Variants in SIDT2 observed in about 807,000 individuals in gnomAD.
SIDT2 encodes the protein SID1 transmembrane family, member 2.
A neutral mutation model predicts 114.4 loss-of-function variants in SIDT2; 68 were observed. The observed-to-expected ratio is 0.59, with a 90% CI of 0.49 to 0.73. The LOEUF (loss-of-function observed/expected upper bound fraction) is 0.73. SIDT2 is among the 30% of genes least tolerant of loss of function. The pLI is 0.00. For synonymous variants in SIDT2, 470 were observed against 438.4 expected, an observed-to-expected ratio of 1.07 and a Z score of -0.90; for missense variants, 918 against 1,097.1, an observed-to-expected ratio of 0.84 and a Z score of 2.31.
In SIDT2 at chr11:117,182,547, T is replaced by C. The variant is rs1462018573; in HGVS notation, c.545T>C (p.Val182Ala). ...TTCAAGTATGAGTTCCCTGAAGGCG[T>C]GGACTCGGTAATTGTCAAGGTGACC... ...QYFKYEFPEG[V>A]DSVIVKVTSN... The change falls in exon 5 of 26, where the codon GTG becomes GCG. Residue 182 changes from valine to alanine, a missense_variant. Transcript: ENST00000324225. The C allele has an allele frequency of 1.2e-5, 19 of 1,614,200 alleles. No individual in the cohort carries two copies. Among genetic ancestry groups the C allele is most frequent in the Middle Eastern group, 3.3e-4 (2 of 6,062 alleles).
At chr11:117,189,501 T>G in intron 15 of SIDT2, 100 bp downstream of exon 15, 1 of 1,289,634 alleles carries the variant, frequency 7.8e-7, no homozygotes, top group Non-Finnish European at 1.1e-6. Flanking sequence ...TCACAGGACC[T>G]GGGTTCAGAT....
At chr11:117,186,986 T>G (rs2030520764) in intron 10 of SIDT2, 1 of 1,455,300 alleles carries the variant, frequency 6.9e-7, no homozygotes, top group South Asian at 1.2e-5. Context: ...ACCTTCTCTC[T>G]TAGCTTCTCT....
In SIDT2 at chr11:117,188,489, TG is replaced by T. The variant is rs2030580370; in HGVS notation, c.1160-217del. The T allele has an allele frequency of 3.5e-6, 2 of 577,830 alleles. No individual in the cohort carries two copies. Among genetic ancestry groups the T allele is most frequent in the Non-Finnish European group, 6.2e-6 (2 of 321,886 alleles). 35.8% of individuals were successfully genotyped at this position (577,830 alleles called of 1,614,324 possible). A position where few individuals can be genotyped will look rare whatever the true frequency, so the allele number is the denominator to read the frequency against. ...GAGCAAAGCTAGAGCGGCCCCTGTG[TG>T]GTGGCCTCTTCTAGAGTCTACCATC... On this transcript the variant is annotated intron_variant, in intron 12 of 25. Coordinates refer to ENST00000324225, the MANE Select transcript of SIDT2 (RefSeq NM_001040455.2). This position sits in a 1 kb window ranked among gnomAD's most constrained non-coding sequence, Gnocchi z 4.0.
chr11:117,179,190 C>T lies in SIDT2; in HGVS notation c.-74C>T. On this transcript the variant is annotated 5_prime_UTR_variant, in exon 1 of 26. Coordinates refer to ENST00000324225, the MANE Select transcript of SIDT2 (RefSeq NM_001040455.2). Reference sequence around the variant, plus strand: ...GGAAGCTGCGGCCGCAGCCGCAACCCGTCCCGGAGGTGTCCTGTCTCCTGT... The same window carrying T: ...GGAAGCTGCGGCCGCAGCCGCAACCTGTCCCGGAGGTGTCCTGTCTCCTGT... The T allele has an allele frequency of 6.9e-7, 1 of 1,448,706 alleles. No homozygotes were observed. Among genetic ancestry groups the T allele is most frequent in the South Asian group, 1.3e-5 (1 of 79,924 alleles). The allele number at this position is 1,448,706 out of a possible 1,614,324, so 89.7% of individuals were successfully genotyped here.
intron 6 of SIDT2, 120 bp from the exon 7 acceptor site, chr11:117,183,659 G>T: frequency 1.3e-6 from 1 of 749,426 alleles, no homozygotes; most frequent in Non-Finnish European, 2.1e-6. Flanking sequence ...AAAATCTTGT[G>T]AGGATTAAGT....
intron 15 of SIDT2, chr11:117,189,670 T>G: frequency 5.0e-6 from 3 of 599,052 alleles, no homozygotes; most frequent in Non-Finnish European, 8.9e-6. Flanking sequence ...TCCTGGGGCT[T>G]TGTAAGCATC....
At chr11:117,189,686 C>T in intron 15 of SIDT2, 1 of 597,690 alleles carries the variant, frequency 1.7e-6, no homozygotes, top group Non-Finnish European at 3.0e-6. Flanking sequence ...GCATCAGTTT[C>T]CCTTCCCTTT....
chr11:117,195,563 A>C (rs1344513850), intron 24 of SIDT2, among the ~76,000 whole-genome samples: 1 of 152,160 alleles, frequency 6.6e-6, no homozygotes, highest in Non-Finnish European at 1.5e-5. Flanking sequence ...AGAAGGAAGG[A>C]GGAGGGTAAG....
intron 3 of SIDT2, 34 bp from the exon 4 acceptor site, chr11:117,182,026 G>C (rs369280417): frequency 3.0e-5 from 48 of 1,613,934 alleles, no homozygotes; most frequent in Middle Eastern, 3.3e-4. Context: ...CAGGCTCCGG[G>C]GGTGACTGGT....
chr11:117,195,756 CT>C, intron 24 of SIDT2, 45 bp from the exon 25 acceptor site: 1 of 1,606,780 alleles, frequency 6.2e-7, no homozygotes, highest in South Asian at 1.1e-5. Flanking sequence ...GGCCCTTGCC[CT>C]GCCAGAGCAG....
chr11:117,190,382 T>C lies in SIDT2; in HGVS notation c.1617+93T>C. 1 of 1,503,208 alleles carries C rather than the reference T, an allele frequency of 6.7e-7. No individual in the cohort carries two copies. Among genetic ancestry groups the C allele is most frequent in the African/African-American group, 1.4e-5 (1 of 71,442 alleles). 93.1% of individuals were successfully genotyped at this position (1,503,208 alleles called of 1,614,324 possible). A position where few individuals can be genotyped will look rare whatever the true frequency, so the allele number is the denominator to read the frequency against. Reference sequence around the variant, plus strand: ...ACACCCTTTTGGGCAGGCCTGGCCCTGCCTTCCCCAGCTCTCCCCTCCCCA... The same window carrying C: ...ACACCCTTTTGGGCAGGCCTGGCCCCGCCTTCCCCAGCTCTCCCCTCCCCA... On this transcript the variant is annotated intron_variant, in intron 17 of 25. Coordinates refer to ENST00000324225, the MANE Select transcript of SIDT2 (RefSeq NM_001040455.2). This position sits in a 1 kb window ranked among gnomAD's most constrained non-coding sequence, Gnocchi z 4.1.
Position 117,190,272 on chromosome 11 carries a change from A to G in SIDT2, c.1600A>G (p.Asn534Asp), listed in dbSNP as rs1386731325. Residue 534 changes from asparagine to aspartate, a missense_variant, in exon 17 of 26, where the codon AAT becomes GAT. By Grantham distance (23) the Asn-to-Asp change is conservative. Around this residue, in one of 4 missense-constraint regions of SIDT2, gnomAD observed 72 missense variants for 59.9 expected, o/e 1.20. Transcript: ENST00000324225. This position sits in a 1 kb window ranked among gnomAD's most constrained non-coding sequence, Gnocchi z 4.1. ...CAACCACAACCGGGCCCTGCTGCGC[A>G]ATGACCTCTGTGCCCTGGTAAGGGA... is the stretch of plus-strand genomic sequence containing the variant. ...EINHNRALLRNDLCALECGIP... is the reference protein window; with the variant it reads ...EINHNRALLRDDLCALECGIP... 2 of 1,552,474 alleles carry G rather than the reference A, an allele frequency of 1.3e-6. No homozygotes were observed. The highest frequency in any genetic ancestry group is 1.7e-6 in the Non-Finnish European group (2 of 1,150,498).
At chr11:117,193,453 A>C (rs2030774459) in intron 23 of SIDT2, among the ~76,000 whole-genome samples, 195 bp downstream of exon 23, 2 of 152,290 alleles carry the variant, frequency 1.3e-5, no homozygotes, top group Non-Finnish European at 2.9e-5. Flanking sequence ...AGCCCCTTCC[A>C]AGGGCCCTTG....
Position 117,187,688 on chromosome 11 carries a change from A to T in SIDT2, c.1148A>T (p.Tyr383Phe). ...VDSAGTGDLS[Y>F]GYQGRSFEPV... ...AGCGCTGGCACTGGGGACCTCTCTT[A>T]CGGTTACCAGGGTGAGTGGGCCAGG... Residue 383 changes from tyrosine to phenylalanine, a missense_variant, in exon 12 of 26, where the codon TAC (tyrosine) becomes TTC (phenylalanine). Coordinates refer to ENST00000324225, the MANE Select transcript of SIDT2 (RefSeq NM_001040455.2). 2 of 1,612,758 alleles carry T rather than the reference A, an allele frequency of 1.2e-6. No homozygotes were observed. Among genetic ancestry groups the T allele is most frequent in the Non-Finnish European group, 1.7e-6 (2 of 1,179,750 alleles).
At chr11:117,181,716 A>G (rs954806598) in intron 2 of SIDT2, 91 bp from the exon 3 acceptor site, 225 of 1,587,700 alleles carry the variant, frequency 1.4e-4, no homozygotes, top group Non-Finnish European at 1.9e-4. Context: ...GGTGGTGGAG[A>G]CCAGACGGGG....
At position 117,178,806 on chromosome 11, in the gene SIDT2, G is replaced by T; in HGVS notation, c.-458G>T. The T allele has an allele frequency of 6.2e-6, 1 of 161,842 alleles. No homozygotes were observed. Among genetic ancestry groups the T allele is most frequent in the Non-Finnish European group, 1.4e-5 (1 of 73,778 alleles). 10.0% of individuals were successfully genotyped at this position (161,842 alleles called of 1,614,324 possible). ...AAAGGGCCCGCACCTCGGAAAACTC[G>T]CAGCCCAGCACGGCGTCGGGTAGCT... On this transcript the variant is annotated 5_prime_UTR_variant, in exon 1 of 26. Coordinates refer to ENST00000324225, the MANE Select transcript of SIDT2 (RefSeq NM_001040455.2).
chr11:117,180,875 C>T (rs981066462), intron 1 of SIDT2, among the ~76,000 whole-genome samples: 8 of 152,164 alleles, frequency 5.3e-5, no homozygotes, highest in Non-Finnish European at 7.3e-5. Flanking sequence ...AGTAAAGTGA[C>T]TTCTCCACAG....
chr11:117,179,709 T>C, intron 1 of SIDT2: 2 of 436,016 alleles, frequency 4.6e-6, no homozygotes, highest in Non-Finnish European at 8.2e-6. Flanking sequence ...AGTTGTGGTC[T>C]GAGCACACAT....
chr11:117,196,208 G>A lies in SIDT2; in HGVS notation c.*142G>A. 1.7e-6 allele frequency: 2 copies of A among 1,145,148 alleles called. No homozygotes were observed. The highest frequency in any genetic ancestry group is 2.5e-6 in the Non-Finnish European group (2 of 808,552). The allele number at this position is 1,145,148 out of a possible 1,614,324, so 70.9% of individuals were successfully genotyped here. A position where few individuals can be genotyped will look rare whatever the true frequency, so the allele number is the denominator to read the frequency against. On this transcript the variant is annotated 3_prime_UTR_variant, in exon 26 of 26. Transcript: ENST00000324225. This position sits in a 1 kb window ranked among gnomAD's most constrained non-coding sequence, Gnocchi z 4.9. ...CAGCAGGACAGCCAGGTCTAGCTTA[G>A]GCTTGGCCTGGGACAGCCATGGGGT... is the stretch of plus-strand genomic sequence containing the variant.
Sources: allele counts gnomAD v4.1 joint callset (sites outside exome capture counted in the v4.1 genomes callset), GRCh38; gene constraint gnomAD v4.1.1; regional missense constraint gnomAD v4.1.1; non-coding constraint Gnocchi (gnomAD v3.1); transcripts MANE v1.5; gene names NCBI Gene and HGNC (gene_info 2026-07-23, HGNC 2026-07-21).